The following RIPOR3 variants were observed in gnomAD, a reference collection of about 807,000 sequenced individuals.
RIPOR3 encodes the protein RIPOR family member 3.
RIPOR3 carries 95 observed loss-of-function variants against 114.3 expected under a neutral mutation model. The ratio of observed to expected loss-of-function variants is 0.83; its 90% CI spans 0.70 to 0.99. The LOEUF is 0.99. Among genes scored for constraint, RIPOR3 ranks in the 50% least tolerant of loss-of-function variants. The pLI, the probability that RIPOR3 is intolerant of heterozygous loss-of-function variation, is 0.00. For synonymous variants in RIPOR3, 575 were observed against 543.8 expected, an observed-to-expected ratio of 1.06 and a Z score of -0.80; for missense variants, 1,252 against 1,266.9, an observed-to-expected ratio of 0.99 and a Z score of 0.18.
At chr20:50,619,836 C>A (rs2084329974) in intron 3 of RIPOR3, 150 bp downstream of exon 3, 3 of 1,067,270 alleles carry the variant, frequency 2.8e-6, no homozygotes, top group African/African-American at 3.1e-5. Context: ...GCGGCTGCAC[C>A]CTGACATACT....
chr20:50,622,071 C>A (rs1354837847), intron 2 of RIPOR3, among the ~76,000 whole-genome samples: 2 of 152,188 alleles, frequency 1.3e-5, no homozygotes, highest in East Asian at 1.9e-4. Flanking sequence ...CTGCTCTTAG[C>A]CCTCTAAAGC....
rs889113344 is a variant in RIPOR3 at position 50,608,270 on chromosome 20, C to T, written c.956+119G>A. On this transcript the variant is annotated intron_variant, in intron 11 of 21. Transcript: ENST00000327979. Reference sequence around the variant, plus strand: ...GTGGGAGTGAGGGACAGATGAGGACCCGTGAGGGCAGGGACACCCTTGGCA... The same window carrying T: ...GTGGGAGTGAGGGACAGATGAGGACTCGTGAGGGCAGGGACACCCTTGGCA... 47 of 1,421,360 alleles carry T rather than the reference C, an allele frequency of 3.3e-5. No individual in the cohort carries two copies. The Admixed American group carries it at 9.0e-4, about 27-fold the overall frequency. The allele number at this position is 1,421,360 out of a possible 1,614,324, so 88.0% of individuals were successfully genotyped here.
intron 16 of RIPOR3, chr20:50,595,104 A>G (rs1187595127): frequency 3.7e-6 from 2 of 538,896 alleles, no homozygotes; most frequent in Non-Finnish European, 6.7e-6. Context: ...CCCTCCTCCT[A>G]TGCAGATAGG....
chr20:50,642,103 A>T (rs2085219193), intron 1 of RIPOR3, among the ~76,000 whole-genome samples: 1 of 151,264 alleles, frequency 6.6e-6, no homozygotes, highest in African/African-American at 2.4e-5. Context: ...TTTGGCTACT[A>T]CTCTTAGGGG....
At chr20:50,672,965 C>A (rs1321282363) in intron 1 of RIPOR3, among the ~76,000 whole-genome samples, 1 of 152,194 alleles carries the variant, frequency 6.6e-6, no homozygotes, top group African/African-American at 2.4e-5. Context: ...GGGGGTAAAC[C>A]CAGTGATGCT....
intron 1 of RIPOR3, chr20:50,660,283 C>CT (rs2085951492): frequency 6.6e-6 from 1 of 152,140 alleles, no homozygotes; most frequent in African/African-American, 2.4e-5. Context: ...AGAAAAGAGA[C>CT]TTATTTCATT....
intron 1 of RIPOR3, among the ~76,000 whole-genome samples, chr20:50,647,717 C>T (rs1332291153): frequency 6.6e-6 from 1 of 151,356 alleles, no homozygotes; most frequent in African/African-American, 2.4e-5. Context: ...CTCCTGACCT[C>T]GTGATCCACC....
intron 1 of RIPOR3, among the ~76,000 whole-genome samples, chr20:50,690,637 A>G (rs2087179947): frequency 6.6e-6 from 1 of 152,114 alleles, no homozygotes; most frequent in South Asian, 2.1e-4. Flanking sequence ...TAGCCAAAGC[A>G]AGTCAGAAAA....
intron 2 of RIPOR3, among the ~76,000 whole-genome samples, chr20:50,623,565 G>A (rs1452850921): frequency 2.0e-5 from 3 of 152,160 alleles, no homozygotes; most frequent in Non-Finnish European, 4.4e-5. Flanking sequence ...TGGGGACCCA[G>A]GATGTGTGAG....
chr20:50,687,520 G>C (rs555476683), intron 1 of RIPOR3, among the ~76,000 whole-genome samples: 2 of 152,256 alleles, frequency 1.3e-5, no homozygotes, highest in Non-Finnish European at 2.9e-5. Context: ...CTCTCCAAGG[G>C]AAAGTGAGTG....
At chr20:50,678,293 C>G (rs2086741012) in intron 1 of RIPOR3, among the ~76,000 whole-genome samples, 1 of 152,198 alleles carries the variant, frequency 6.6e-6, no homozygotes, top group Non-Finnish European at 1.5e-5. Flanking sequence ...AACCTGGGGG[C>G]TGGGTGGCCT....
At chr20:50,623,953 CA>C (rs2084521921) in intron 2 of RIPOR3, among the ~76,000 whole-genome samples, 1 of 152,330 alleles carries the variant, frequency 6.6e-6, no homozygotes, top group African/African-American at 2.4e-5. Flanking sequence ...TCTCCTGCCT[CA>C]GCCTACCCAG....
chr20:50,608,567 C>A, intron 10 of RIPOR3, 33 bp from the exon 11 acceptor site: 4 of 1,613,634 alleles, frequency 2.5e-6, no homozygotes, highest in Non-Finnish European at 3.4e-6. Context: ...GGTGTCTGAG[C>A]CGAACACCCA....
At chr20:50,640,959 G>T (rs1438395608) in intron 1 of RIPOR3, among the ~76,000 whole-genome samples, 1 of 150,490 alleles carries the variant, frequency 6.6e-6, no homozygotes, top group East Asian at 1.9e-4. Context: ...GCCCAGGCTG[G>T]AGTGCAATGG....
At chr20:50,624,271 T>TTAA in intron 2 of RIPOR3, among the ~76,000 whole-genome samples, 1 of 152,322 alleles carries the variant, frequency 6.6e-6, no homozygotes, top group South Asian at 2.1e-4. Flanking sequence ...ATCTTGAGGC[T>TTAA]GGCAGAGACG....
At chr20:50,638,527 G>A (rs531169163) in intron 1 of RIPOR3, among the ~76,000 whole-genome samples, 130 of 152,290 alleles carry the variant, frequency 8.5e-4, no homozygotes, top group East Asian at 4.8e-3. Context: ...ACTCCCACCA[G>A]CCATGCCAGG....
chr20:50,670,845 C>T (rs1401693724), intron 1 of RIPOR3, among the ~76,000 whole-genome samples: 1 of 152,198 alleles, frequency 6.6e-6, no homozygotes, highest in African/African-American at 2.4e-5. Flanking sequence ...CAAACCTTGG[C>T]TTGGCCAAGG....
chr20:50,642,075 C>T (rs1465051739), intron 1 of RIPOR3, among the ~76,000 whole-genome samples: 1 of 152,166 alleles, frequency 6.6e-6, no homozygotes, highest in African/African-American at 2.4e-5. Flanking sequence ...CCTCCTGCTC[C>T]CACTTCCCTC....
chr20:50,630,937 A>T, intron 1 of RIPOR3, 81 bp from the exon 2 acceptor site: 1 of 1,045,986 alleles, frequency 9.6e-7, no homozygotes, highest in East Asian at 2.6e-5. Context: ...TTCCACCAAC[A>T]CCTACAGACC....
Sources: gnomAD v4.1 joint callset for allele counts (sites outside exome capture counted in the v4.1 genomes callset) on GRCh38, gnomAD v4.1.1 for gene constraint, MANE v1.5 for transcripts, NCBI Gene and HGNC (gene_info 2026-07-23, HGNC 2026-07-21) for gene names.